Variants in IFT56 observed in about 807,000 individuals in gnomAD.
IFT56 encodes intraflagellar transport 56, also known as intraflagellar transport protein 56.
chr7:139,158,313 C>CA, the IFT56 span, among the ~76,000 whole-genome samples: 20,131 of 115,242 alleles, frequency 0.17, 2,185 homozygotes, highest in Non-Finnish European at 0.22. Flanking sequence ...GACGCCATCT[C>CA]AAAAAAAAAA....
chr7:139,156,623 A>T, the IFT56 span, among the ~76,000 whole-genome samples: 1 of 152,092 alleles, frequency 6.6e-6, no homozygotes, highest in Non-Finnish European at 1.5e-5. Context: ...TTTATATTTA[A>T]GTCCATATTC....
the IFT56 span, chr7:139,139,982 A>G: frequency 6.2e-7 from 1 of 1,609,710 alleles, no homozygotes; most frequent in South Asian, 1.1e-5. Context: ...TGTATAAACA[A>G]GCTGAAGCAG....
At chr7:139,153,642 G>A in the IFT56 span, among the ~76,000 whole-genome samples, 14 of 152,114 alleles carry the variant, frequency 9.2e-5, no homozygotes, top group African/African-American at 2.7e-4. Flanking sequence ...GGTTCATCAT[G>A]TTGTAGCATC....
At chr7:139,148,988 C>CA in the IFT56 span, among the ~76,000 whole-genome samples, 2 of 152,100 alleles carry the variant, frequency 1.3e-5, no homozygotes, top group Non-Finnish European at 1.5e-5. Flanking sequence ...CACCAACATA[C>CA]ATCCAGTAAA....
At chr7:139,146,932 T>C in the IFT56 span, 24 of 1,430,978 alleles carry the variant, frequency 1.7e-5, no homozygotes, top group Non-Finnish European at 2.3e-5. Context: ...GGGCTTTCCA[T>C]TGTCGTTGTC....
chr7:139,141,323 G>A, the IFT56 span, among the ~76,000 whole-genome samples: 1 of 151,696 alleles, frequency 6.6e-6, no homozygotes, highest in Non-Finnish European at 1.5e-5. Context: ...CTATTCATAG[G>A]TGTGAGCATC....
chr7:139,147,238 T>C, the IFT56 span: 4 of 1,613,554 alleles, frequency 2.5e-6, no homozygotes, highest in South Asian at 4.4e-5. Flanking sequence ...CTATATGCGA[T>C]CTCACTACCA....
the IFT56 span, among the ~76,000 whole-genome samples, chr7:139,137,018 A>G: frequency 6.6e-6 from 1 of 152,238 alleles, no homozygotes; most frequent in African/African-American, 2.4e-5. Context: ...CTTAGCCCAG[A>G]CAAGAAAATA....
chr7:139,189,321 A>C, the IFT56 span: 1 of 1,596,916 alleles, frequency 6.3e-7, no homozygotes, highest in South Asian at 1.1e-5. Flanking sequence ...TTTTCCTCAG[A>C]GAGACCCTTC....
the IFT56 span, chr7:139,173,456 T>C: frequency 6.5e-6 from 4 of 611,486 alleles, no homozygotes; most frequent in Non-Finnish European, 8.9e-6. Context: ...CTCCAACTCC[T>C]GACCTCAGGT....
chr7:139,164,928 GAA>G, the IFT56 span, among the ~76,000 whole-genome samples: 3 of 152,090 alleles, frequency 2.0e-5, no homozygotes, highest in Non-Finnish European at 4.4e-5. Flanking sequence ...GGAGAGAAAA[GAA>G]GAGAGAAGGT....
the IFT56 span, chr7:139,178,554 G>A: frequency 6.2e-7 from 1 of 1,614,080 alleles, no homozygotes. Flanking sequence ...CTTTAATTAT[G>A]CCCAAGCCAA....
the IFT56 span, among the ~76,000 whole-genome samples, chr7:139,167,152 C>T: frequency 6.6e-6 from 1 of 152,026 alleles, no homozygotes. Flanking sequence ...TTGGAAAATT[C>T]CTTTAGTATT....
chr7:139,191,881 A>C, the IFT56 span: 1 of 152,200 alleles, frequency 6.6e-6, no homozygotes. Context: ...TATAGCATAC[A>C]TTACTTGCAA....
chr7:139,143,681 A>G, the IFT56 span, among the ~76,000 whole-genome samples: 1 of 152,032 alleles, frequency 6.6e-6, no homozygotes, highest in African/African-American at 2.4e-5. Context: ...TAATGTATTT[A>G]CAAATACAGT....
At chr7:139,184,125 A>T in the IFT56 span, among the ~76,000 whole-genome samples, 4 of 152,232 alleles carry the variant, frequency 2.6e-5, no homozygotes, top group Non-Finnish European at 5.9e-5. Flanking sequence ...GCCCATGCAC[A>T]GGAACCTTCA....
the IFT56 span, among the ~76,000 whole-genome samples, chr7:139,164,747 G>T: frequency 7.2e-5 from 11 of 152,060 alleles, no homozygotes; most frequent in Non-Finnish European, 1.5e-4. Context: ...TCTGGTGGAT[G>T]TAACAGATAA....
the IFT56 span, among the ~76,000 whole-genome samples, chr7:139,135,570 G>A: frequency 6.6e-6 from 1 of 152,276 alleles, no homozygotes; most frequent in East Asian, 1.9e-4. Flanking sequence ...ATATACATTG[G>A]AATTACCTAG....
chr7:139,172,537 G>C, the IFT56 span: 3 of 504,138 alleles, frequency 6.0e-6, no homozygotes, highest in East Asian at 1.4e-4. Flanking sequence ...GGAGATTCTT[G>C]CTGCTGTAAT....
Sources: gnomAD v4.1 joint callset for allele counts (sites outside exome capture counted in the v4.1 genomes callset) on GRCh38, gnomAD v4.1.1 for gene constraint, MANE v1.5 for transcripts, NCBI Gene and HGNC (gene_info 2026-07-23, HGNC 2026-07-21) for gene names.